Variants in DPT observed in about 807,000 individuals in gnomAD.
DPT encodes dermatopontin.
A neutral mutation model predicts 31.2 loss-of-function variants in DPT; 21 were observed. The observed-to-expected ratio is 0.67, with a 90% CI of 0.48 to 0.97. DPT has a LOEUF of 0.97. Ranked by LOEUF, DPT falls within the 50% of genes least tolerant of loss-of-function variation. The probability of loss-of-function intolerance (pLI) is 0.00; values close to 1 mark genes in which losing one functional copy is unlikely to be tolerated. For synonymous variants in DPT, 91 were observed against 86.9 expected, an observed-to-expected ratio of 1.05 and a Z score of -0.26; for missense variants, 262 against 258.8, an observed-to-expected ratio of 1.01 and a Z score of -0.08.
At chr1:168,706,913 C>A (rs1345327694) in intron 2 of DPT, among the ~76,000 whole-genome samples, 1 of 152,148 alleles carries the variant, frequency 6.6e-6, no homozygotes, top group African/African-American at 2.4e-5. Context: ...TGGTGGTCAC[C>A]CTGGGCCTGC....
rs563466016 is a variant in DPT, at chr1:168,717,162, T to C, written c.306-2816A>G. Among the ~76,000 whole-genome samples, 55 of 152,310 alleles carry C rather than the reference T, an allele frequency of 3.6e-4. 2 individuals carry two copies. The highest frequency in any genetic ancestry group is 1.3e-3 in the African/African-American group (55 of 41,572). On this transcript the variant is annotated intron_variant, in intron 1 of 3. Coordinates refer to ENST00000367817, the MANE Select transcript of DPT (RefSeq NM_001937.5). The stretch of plus-strand genomic sequence containing the variant: ...TCTACAATGGTTGAACTAATTTACA[T>C]TCCGACCAACAGTGTAAAAGAATTC...
At chr1:168,705,577 C>T (rs183777955) in intron 2 of DPT, among the ~76,000 whole-genome samples, 55 of 152,320 alleles carry the variant, frequency 3.6e-4, no homozygotes, top group Admixed American at 3.5e-3. Flanking sequence ...ATTAGAATGT[C>T]TTCCAAATGA....
At chr1:168,711,302 G>A (rs1649854695) in intron 2 of DPT, among the ~76,000 whole-genome samples, 1 of 151,972 alleles carries the variant, frequency 6.6e-6, no homozygotes, top group Non-Finnish European at 1.5e-5. Flanking sequence ...TTACAAGTGT[G>A]AGCCACCATG....
intron 3 of DPT, among the ~76,000 whole-genome samples, chr1:168,697,303 T>A (rs1296712887): frequency 6.6e-6 from 1 of 152,130 alleles, no homozygotes; most frequent in African/African-American, 2.4e-5. Flanking sequence ...AGTCCGTCCA[T>A]TTTCCCACTG....
rs1017623930 is a variant in DPT, at chr1:168,714,190, T to G, written c.431+31A>C. On this transcript the variant is annotated intron_variant, in intron 2 of 3. Transcript: ENST00000367817. ...CTAGGTGCCTCTCCCACCCCAGGAG[T>G]CATGAGGGTTTGGTCGGCTGCCAGA... 1.9e-6 allele frequency: 3 copies of G among 1,613,136 alleles called. No individual in the cohort carries two copies. In the African/African-American group the frequency reaches 4.0e-5, roughly 22 times the overall value.
chr1:168,715,906 G>A (rs1353416746), intron 1 of DPT, among the ~76,000 whole-genome samples: 1 of 152,214 alleles, frequency 6.6e-6, no homozygotes, highest in Admixed American at 6.5e-5. Flanking sequence ...GCAGGCAGTT[G>A]TCTATGTGCA....
intron 2 of DPT, among the ~76,000 whole-genome samples, chr1:168,710,940 A>G (rs1311331651): frequency 6.6e-6 from 1 of 151,880 alleles, no homozygotes; most frequent in Non-Finnish European, 1.5e-5. Flanking sequence ...TTAGATGTTT[A>G]TCCCTTTCTC....
At chr1:168,717,219 G>T (rs1372416568) in intron 1 of DPT, among the ~76,000 whole-genome samples, 1 of 152,152 alleles carries the variant, frequency 6.6e-6, no homozygotes, top group African/African-American at 2.4e-5. Flanking sequence ...AGCATCTGTT[G>T]GTTCTTGGCT....
chr1:168,709,660 C>T (rs1468895332), intron 2 of DPT, among the ~76,000 whole-genome samples: 2 of 152,208 alleles, frequency 1.3e-5, no homozygotes, highest in South Asian at 2.1e-4. Context: ...TAGATATTCA[C>T]TTAGCTAGTT....
chr1:168,710,758 C>T (rs1364630927), intron 2 of DPT, among the ~76,000 whole-genome samples: 1 of 151,974 alleles, frequency 6.6e-6, no homozygotes, highest in African/African-American at 2.4e-5. Flanking sequence ...CTCCAGGTGA[C>T]CACTGGAAAT....
intron 2 of DPT, among the ~76,000 whole-genome samples, chr1:168,701,972 T>C (rs1212796995): frequency 1.3e-5 from 2 of 152,232 alleles, no homozygotes; most frequent in Non-Finnish European, 2.9e-5. Flanking sequence ...CCTCCTTTCC[T>C]TTCCTTCTCT....
intron 1 of DPT, among the ~76,000 whole-genome samples, chr1:168,719,927 C>A (rs1034740727): frequency 6.6e-6 from 1 of 152,134 alleles, no homozygotes. Flanking sequence ...ATTACTCCTC[C>A]TCTGAAAACA....
At chr1:168,714,199 T>A in intron 2 of DPT, 22 bp downstream of exon 2, 1 of 1,613,802 alleles carries the variant, frequency 6.2e-7, no homozygotes, top group South Asian at 1.1e-5. Context: ...GTCATGAGGG[T>A]TTGGTCGGCT....
At chr1:168,705,213 C>A (rs138785136) in intron 2 of DPT, among the ~76,000 whole-genome samples, 1 of 152,180 alleles carries the variant, frequency 6.6e-6, no homozygotes, top group Non-Finnish European at 1.5e-5. Flanking sequence ...AGACCTTATT[C>A]GGAGCTAGAC....
At chr1:168,722,272 G>T (rs1247394807) in intron 1 of DPT, among the ~76,000 whole-genome samples, 1 of 152,136 alleles carries the variant, frequency 6.6e-6, no homozygotes, top group Non-Finnish European at 1.5e-5. Context: ...AAATATTCAA[G>T]ACACTTATAA....
intron 2 of DPT, among the ~76,000 whole-genome samples, chr1:168,712,551 T>C (rs944277101): frequency 6.6e-6 from 1 of 152,220 alleles, no homozygotes; most frequent in Non-Finnish European, 1.5e-5. Context: ...GCTGGTTTCC[T>C]TGTGGGAAGT....
At chr1:168,712,064 C>G (rs1333098387) in intron 2 of DPT, among the ~76,000 whole-genome samples, 2 of 152,148 alleles carry the variant, frequency 1.3e-5, no homozygotes, top group Non-Finnish European at 2.9e-5. Context: ...GATATTTGTT[C>G]AACAGTTGTT....
In DPT at chr1:168,696,519, C is replaced by G. The variant is rs548494501; in HGVS notation, c.*30G>C. 1 of 1,607,386 alleles carries G rather than the reference C, an allele frequency of 6.2e-7. No homozygotes were observed. Among genetic ancestry groups the G allele is most frequent in the Admixed American group, 1.7e-5 (1 of 59,708 alleles). ...ACACCCTCCTGTCCCCGGCCCCTTT[C>G]CTTTCACCCAGATTTGGTATGTGGC... is the stretch of plus-strand genomic sequence containing the variant. On this transcript the variant is annotated 3_prime_UTR_variant, in exon 4 of 4. Transcript: ENST00000367817.
At chr1:168,714,179 C>A (rs1183015329) in intron 2 of DPT, 42 bp downstream of exon 2, 1 of 1,612,706 alleles carries the variant, frequency 6.2e-7, no homozygotes, top group Non-Finnish European at 8.5e-7. Flanking sequence ...GTGCCTCTCC[C>A]ACCCCAGGAG....
Sources: allele counts gnomAD v4.1 joint callset (sites outside exome capture counted in the v4.1 genomes callset), GRCh38; gene constraint gnomAD v4.1.1; transcripts MANE v1.5; gene names NCBI Gene and HGNC (gene_info 2026-07-23, HGNC 2026-07-21).